TMEM248: variants seen among roughly 807,000 people sequenced by gnomAD.
The protein encoded by TMEM248 is UPF0458 protein C7orf42.
A neutral mutation model predicts 30.3 loss-of-function variants in TMEM248; 9 were observed. The ratio of observed to expected loss-of-function variants is 0.30; its 90% CI spans 0.18 to 0.52. TMEM248 has a LOEUF of 0.52. TMEM248 is among the 20% of genes least tolerant of loss of function. The pLI, the probability that TMEM248 is intolerant of heterozygous loss-of-function variation, is 0.97. For synonymous variants in TMEM248, 184 were observed against 154.4 expected (o/e 1.19, Z -1.42); for missense variants, 338 against 403.3 (o/e 0.84, Z 1.39).
intron 6 of TMEM248, among the ~76,000 whole-genome samples, chr7:66,954,545 C>T (rs1419750520): frequency 6.6e-6 from 1 of 151,868 alleles, no homozygotes; most frequent in African/African-American, 2.4e-5. Context: ...CACAGGCATG[C>T]ATCACCACAC....
intron 2 of TMEM248, 74 bp from the exon 3 acceptor site, chr7:66,944,902 G>A: frequency 1.3e-6 from 2 of 1,530,662 alleles, no homozygotes; most frequent in South Asian, 1.2e-5. Context: ...CCACACTGGG[G>A]TCTTACCTGT....
chr7:66,945,674 G>T (rs1457642312), intron 3 of TMEM248, among the ~76,000 whole-genome samples: 1 of 152,202 alleles, frequency 6.6e-6, no homozygotes, highest in Non-Finnish European at 1.5e-5. Flanking sequence ...AAGATGGCTG[G>T]GTGCAGTAGC....
intron 2 of TMEM248, among the ~76,000 whole-genome samples, chr7:66,944,319 G>C (rs1279028973): frequency 6.6e-6 from 1 of 151,532 alleles, no homozygotes; most frequent in Non-Finnish European, 1.5e-5. Context: ...TGCTCAGGCT[G>C]GTCTCGAACT....
At chr7:66,948,271 G>A (rs984956356) in intron 3 of TMEM248, among the ~76,000 whole-genome samples, 2 of 152,162 alleles carry the variant, frequency 1.3e-5, no homozygotes, top group South Asian at 2.1e-4. Context: ...CACCCAGCCC[G>A]AGCTTTTCAT....
At chr7:66,943,818 G>A (rs960255290) in intron 2 of TMEM248, among the ~76,000 whole-genome samples, 1 of 150,980 alleles carries the variant, frequency 6.6e-6, no homozygotes, top group Non-Finnish European at 1.5e-5. Flanking sequence ...TTGAGGTGGA[G>A]TGTCACTCTG....
chr7:66,927,146 GAT>G (rs1339706398), intron 1 of TMEM248, among the ~76,000 whole-genome samples: 1 of 152,150 alleles, frequency 6.6e-6, no homozygotes, highest in Admixed American at 6.6e-5. Flanking sequence ...AAAGAACAAA[GAT>G]AAATTATTTT....
intron 1 of TMEM248, 97 bp from the exon 2 acceptor site, chr7:66,941,751 A>T (rs1791964959): frequency 9.6e-7 from 1 of 1,039,570 alleles, no homozygotes; most frequent in African/African-American, 1.6e-5. Flanking sequence ...TGCCCATCCC[A>T]CCCAGCTCAC....
At chr7:66,927,004 A>G (rs1326642780) in intron 1 of TMEM248, among the ~76,000 whole-genome samples, 6 of 152,198 alleles carry the variant, frequency 3.9e-5, no homozygotes, top group Admixed American at 3.9e-4. Context: ...ATACTGAACT[A>G]TTAGCTTTTG....
At chr7:66,926,591 G>A (rs1035126374) in intron 1 of TMEM248, among the ~76,000 whole-genome samples, 4 of 147,742 alleles carry the variant, frequency 2.7e-5, no homozygotes, top group African/African-American at 5.0e-5. Flanking sequence ...AGCCGGGTTC[G>A]CACCACTGCA....
At chr7:66,945,291 C>T (rs1043870418) in intron 3 of TMEM248, 30 bp downstream of exon 3, 8 of 1,601,090 alleles carry the variant, frequency 5.0e-6, no homozygotes, top group Admixed American at 1.7e-5. Flanking sequence ...CACTCAGGCT[C>T]CTTAGGCAAC....
At chr7:66,925,695 T>TTC (rs1554334624) in intron 1 of TMEM248, among the ~76,000 whole-genome samples, 1 of 142,572 alleles carries the variant, frequency 7.0e-6, no homozygotes, top group Non-Finnish European at 1.5e-5. Context: ...TAGTTTTTTC[T>TTC]TTTTTTTTTT....
chr7:66,931,160 G>A (rs767652472), intron 1 of TMEM248, among the ~76,000 whole-genome samples: 6 of 151,820 alleles, frequency 4.0e-5, no homozygotes, highest in South Asian at 2.1e-4. Context: ...AAAATTAGCC[G>A]GACGTGGTGA....
intron 3 of TMEM248, among the ~76,000 whole-genome samples, chr7:66,946,175 T>G (rs1242801329): frequency 6.6e-6 from 1 of 151,232 alleles, no homozygotes; most frequent in African/African-American, 2.4e-5. Context: ...GGCAGGAGAA[T>G]TGTTTGAACC....
intron 1 of TMEM248, among the ~76,000 whole-genome samples, chr7:66,937,284 G>T (rs924536758): frequency 6.6e-6 from 1 of 152,110 alleles, no homozygotes; most frequent in Non-Finnish European, 1.5e-5. Context: ...GAAGATACTT[G>T]ATATAATTTT....
intron 1 of TMEM248, among the ~76,000 whole-genome samples, chr7:66,931,183 G>A (rs1013137987): frequency 1.3e-5 from 2 of 151,252 alleles, no homozygotes; most frequent in African/African-American, 2.4e-5. Context: ...TGCACCTGTA[G>A]TCTCAGCTAT....
At chr7:66,939,766 AG>A (rs963547364) in intron 1 of TMEM248, among the ~76,000 whole-genome samples, 1 of 152,012 alleles carries the variant, frequency 6.6e-6, no homozygotes, top group Non-Finnish European at 1.5e-5. Context: ...GCAGGGGCTG[AG>A]GGTGACCAAG....
intron 6 of TMEM248, 58 bp from the exon 7 acceptor site, chr7:66,955,444 G>A (rs1792376556): frequency 6.2e-7 from 1 of 1,611,728 alleles, no homozygotes; most frequent in South Asian, 1.1e-5. Context: ...TTTGGGTAGG[G>A]GCTGAGTTAC....
chr7:66,924,373 A>C (rs1277941443), intron 1 of TMEM248, among the ~76,000 whole-genome samples: 3 of 152,172 alleles, frequency 2.0e-5, no homozygotes, highest in African/African-American at 7.2e-5. Context: ...TCAGGACCTC[A>C]CTGGCCTCAG....
At chr7:66,929,874 G>T (rs1791621219) in intron 1 of TMEM248, among the ~76,000 whole-genome samples, 1 of 152,094 alleles carries the variant, frequency 6.6e-6, no homozygotes, top group Non-Finnish European at 1.5e-5. Context: ...AGGATGACTG[G>T]CAGGAGCTGG....
Sources: allele counts gnomAD v4.1 joint callset (sites outside exome capture counted in the v4.1 genomes callset), GRCh38; gene constraint gnomAD v4.1.1; transcripts MANE v1.5; gene names NCBI Gene and HGNC (gene_info 2026-07-23, HGNC 2026-07-21).